The following FGFR2 variants were observed in gnomAD, a reference collection of about 807,000 sequenced individuals.
The protein encoded by FGFR2 is BEK fibroblast growth factor receptor.
In FGFR2, 19 loss-of-function variants were observed where a neutral mutation model predicts 95.9. The observed-to-expected ratio is 0.20, with a 90% confidence interval of 0.14 to 0.29. FGFR2 has a LOEUF of 0.29. FGFR2 is among the 10% of genes least tolerant of loss of function. The pLI is 1.00. For synonymous variants in FGFR2, 392 were observed against 393.3 expected (o/e 1.00, Z 0.04); for missense variants, 707 against 1,056.9 (o/e 0.67, Z 4.59).
chr10:121,485,763 C>T lies in FGFR2; in HGVS notation c.2058-231G>A, dbSNP rs879547485. ...ATCAATAGACAAAAAGGCAAACTGC[C>T]ATCACTCTGGAATAGAGCTGCTTGT... On this transcript the variant is annotated intron_variant, in intron 15 of 17. Coordinates refer to ENST00000358487, the MANE Select transcript of FGFR2 (RefSeq NM_000141.5). The surrounding 1 kb of genome is among the most constrained non-coding windows in gnomAD (Gnocchi z 4.2). Among the ~76,000 whole-genome samples the T allele has an allele frequency of 3.3e-5, 5 of 152,136 alleles. No homozygotes were observed. Among genetic ancestry groups the T allele is most frequent in the Non-Finnish European group, 5.9e-5 (4 of 68,024 alleles).
chr10:121,529,567 A>C (rs1195313215), intron 6 of FGFR2, among the ~76,000 whole-genome samples: 1 of 152,234 alleles, frequency 6.6e-6, no homozygotes, highest in Non-Finnish European at 1.5e-5. Context: ...AAAAGACCAC[A>C]ATCTCCCTGA....
chr10:121,509,511 G>A (rs1346987058), intron 9 of FGFR2, among the ~76,000 whole-genome samples: 2 of 28,944 alleles, frequency 6.9e-5, no homozygotes. Flanking sequence ...TTTTTTTTTG[G>A]TTTGAGACAG....
chr10:121,547,023 G>C (rs969330108), intron 5 of FGFR2, among the ~76,000 whole-genome samples: 3 of 152,120 alleles, frequency 2.0e-5, no homozygotes, highest in Non-Finnish European at 4.4e-5. Context: ...TCAGGAGTTC[G>C]AGACCAGCAT....
intron 9 of FGFR2, among the ~76,000 whole-genome samples, chr10:121,512,971 GTGATTC>G (rs1353518463): frequency 3.9e-5 from 6 of 152,140 alleles, no homozygotes; most frequent in African/African-American, 1.4e-4. Context: ...CCAGGTTCAA[GTGATTC>G]TCCTGCCTCA....
rs1446155040 is a variant in FGFR2, at chr10:121,518,825, G to A, written c.939+1154C>T. 2 of 1,613,980 alleles carry A rather than the reference G, an allele frequency of 1.2e-6. No homozygotes were observed. Among genetic ancestry groups the A allele is most frequent in the Non-Finnish European group, 1.7e-6 (2 of 1,179,938 alleles). On this transcript the variant is annotated intron_variant, in intron 7 of 17. Transcript: ENST00000358487. The surrounding 1 kb of genome is among the most constrained non-coding windows in gnomAD (Gnocchi z 4.0). ...TTCTGCATTGGAACTATTTATCCCCGAGTGCTAGAACAGACACAGGAGAAC... is the reference window on the plus strand; with the variant it reads ...TTCTGCATTGGAACTATTTATCCCCAAGTGCTAGAACAGACACAGGAGAAC...
intron 6 of FGFR2, among the ~76,000 whole-genome samples, chr10:121,530,616 C>T (rs188273361): frequency 7.2e-5 from 11 of 152,234 alleles, no homozygotes; most frequent in East Asian, 5.8e-4. Context: ...AACAAGACTC[C>T]GTCTCATAAA....
chr10:121,567,292 G>A (rs1369563258), intron 2 of FGFR2, among the ~76,000 whole-genome samples: 2 of 152,124 alleles, frequency 1.3e-5, no homozygotes, highest in Non-Finnish European at 2.9e-5. Context: ...CATCACCAAA[G>A]GCATGCATGC....
chr10:121,532,665 A>G (rs976234188), intron 6 of FGFR2, among the ~76,000 whole-genome samples: 16 of 152,092 alleles, frequency 1.1e-4, no homozygotes, highest in Middle Eastern at 3.2e-3. Context: ...CCTGGGACAG[A>G]GGCTGCCCCA....
chr10:121,496,493 T>C (rs760590612), intron 13 of FGFR2, 39 bp downstream of exon 13: 13 of 1,605,518 alleles, frequency 8.1e-6, no homozygotes, highest in Admixed American at 1.7e-5. Flanking sequence ...ACATTTTTAG[T>C]TGGATTCCAC....
intron 6 of FGFR2, among the ~76,000 whole-genome samples, chr10:121,525,489 G>GA (rs1851232433): frequency 6.6e-6 from 1 of 152,106 alleles, no homozygotes; most frequent in Admixed American, 6.5e-5. Flanking sequence ...TACTAAAGCA[G>GA]AAAGCCCAGC....
At chr10:121,561,379 G>T (rs1055342339) in intron 4 of FGFR2, among the ~76,000 whole-genome samples, 2 of 145,892 alleles carry the variant, frequency 1.4e-5, no homozygotes, top group African/African-American at 5.1e-5. Flanking sequence ...AGCTGAGATC[G>T]CACCATTGCG....
chr10:121,565,414 C>A (rs1291686925), intron 3 of FGFR2, 24 bp downstream of exon 3: 1 of 1,613,626 alleles, frequency 6.2e-7, no homozygotes, highest in Middle Eastern at 1.6e-4. Context: ...GAAGAGAGAG[C>A]ATAGTGCTGG....
chr10:121,574,611 G>C (rs939944537), intron 2 of FGFR2, among the ~76,000 whole-genome samples: 2 of 152,086 alleles, frequency 1.3e-5, no homozygotes, highest in African/African-American at 4.8e-5. Context: ...AACCACCTTT[G>C]CATGCCCTGC....
chr10:121,571,959 A>AT (rs1253750234), intron 2 of FGFR2, among the ~76,000 whole-genome samples: 7 of 151,712 alleles, frequency 4.6e-5, no homozygotes, highest in Admixed American at 1.3e-4. Context: ...AAAAATAAAA[A>AT]AAAAAATTGA....
intron 6 of FGFR2, chr10:121,526,834 T>C (rs1403704247): frequency 2.0e-5 from 8 of 398,456 alleles, no homozygotes; most frequent in African/African-American, 4.1e-5. Context: ...CTCTTCGCTG[T>C]CTGGTCACCC....
chr10:121,479,877 T>C lies in FGFR2; in HGVS notation c.2446A>G (p.Asn816Asp), dbSNP rs2133678832. 1 of 1,614,068 alleles carries C rather than the reference T, an allele frequency of 6.2e-7. No homozygotes were observed. Among genetic ancestry groups the C allele is most frequent in the Non-Finnish European group, 8.5e-7 (1 of 1,180,004 alleles). Residue 816 changes from asparagine (N) to aspartate (D), a missense_variant, in exon 18 of 18, where the codon AAC becomes GAC. Asn to Asp is a conservative substitution (Grantham distance 23). This residue lies in a region of FGFR2 where 51 missense variants were observed against 50.2 expected (regional missense o/e 1.01). Transcript: ENST00000358487. ...GTCATTCATGTTTTAACACTGCCGT[T>C]TATGTGTGGATACTGAGGAAGGCAT... ...EPCLPQYPHI[N>D]GSVKT
intron 2 of FGFR2, among the ~76,000 whole-genome samples, chr10:121,569,217 TTCTTTTC>T (rs1473900062): frequency 0.014 from 2,081 of 148,582 alleles, 44 homozygotes; most frequent in African/African-American, 0.047. Context: ...TTCTTTTCTT[TTCTTTTC>T]TTTTTTTTTT....
At chr10:121,496,831 T>A (rs1157086692) in intron 12 of FGFR2, 109 bp from the exon 13 acceptor site, 91 of 928,380 alleles carry the variant, frequency 9.8e-5, no homozygotes, top group South Asian at 1.3e-4. Context: ...TTTTTTTTTT[T>A]AAAGTTTAAC....
intron 5 of FGFR2, among the ~76,000 whole-genome samples, chr10:121,548,279 T>TTTTTTTTTTTTTAA (rs1854851997): frequency 1.3e-5 from 1 of 77,924 alleles, no homozygotes; most frequent in Non-Finnish European, 2.5e-5. Context: ...TTTTTTTTTT[T>TTTTTTTTTTTTTAA]GGTAAAGCAA....
Sources: allele counts gnomAD v4.1 joint callset (sites outside exome capture counted in the v4.1 genomes callset), GRCh38; gene constraint gnomAD v4.1.1; regional missense constraint gnomAD v4.1.1; non-coding constraint Gnocchi (gnomAD v3.1); transcripts MANE v1.5; gene names NCBI Gene and HGNC (gene_info 2026-07-23, HGNC 2026-07-21).